The following GRM8 variants were observed in gnomAD, a reference collection of about 807,000 sequenced individuals.
The protein encoded by GRM8 is glutamate metabotropic receptor 8.
GRM8 carries 47 observed loss-of-function variants against 87.2 expected under a neutral mutation model. The ratio of observed to expected loss-of-function variants is 0.54; its 90% CI spans 0.43 to 0.69. GRM8 has a LOEUF of 0.69. Ranked by LOEUF, GRM8 falls within the 30% of genes least tolerant of loss-of-function variation. The pLI, the probability that GRM8 is intolerant of heterozygous loss-of-function variation, is 0.00. For missense variants in GRM8, 1,019 were observed against 1,139.2 expected, an observed-to-expected ratio of 0.89 and a Z score of 1.52; for synonymous variants, 396 against 404.5, an observed-to-expected ratio of 0.98 and a Z score of 0.25.
intron 7 of GRM8, among the ~76,000 whole-genome samples, chr7:126,750,690 T>C (rs1816318023): frequency 6.6e-6 from 1 of 152,248 alleles, no homozygotes; most frequent in South Asian, 2.1e-4. Flanking sequence ...TGCTCCTCAG[T>C]TCCTGTTTTC....
chr7:126,470,559 A>G (rs1805065733), intron 9 of GRM8, among the ~76,000 whole-genome samples: 2 of 152,132 alleles, frequency 1.3e-5, no homozygotes, highest in East Asian at 1.9e-4. Flanking sequence ...CATGGTGTAT[A>G]TATGCCACAT....
At chr7:127,151,287 T>C (rs1011197672) in intron 2 of GRM8, among the ~76,000 whole-genome samples, 5 of 152,064 alleles carry the variant, frequency 3.3e-5, no homozygotes, top group African/African-American at 1.2e-4. Flanking sequence ...CACACTTCAA[T>C]AAACTCAACC....
At chr7:126,544,372 C>T (rs1009782229) in intron 8 of GRM8, among the ~76,000 whole-genome samples, 2 of 152,042 alleles carry the variant, frequency 1.3e-5, no homozygotes, top group African/African-American at 4.8e-5. Context: ...CTTATCGTTT[C>T]CTAAATCTGT....
At chr7:126,696,441 T>C (rs1809381956) in intron 7 of GRM8, among the ~76,000 whole-genome samples, 1 of 152,202 alleles carries the variant, frequency 6.6e-6, no homozygotes, top group Non-Finnish European at 1.5e-5. Flanking sequence ...ATCCATCTGT[T>C]CTCATCGTTC....
chr7:126,770,708 G>A (rs1818748016), intron 6 of GRM8, among the ~76,000 whole-genome samples: 1 of 152,146 alleles, frequency 6.6e-6, no homozygotes, highest in Non-Finnish European at 1.5e-5. Flanking sequence ...ATTTAGGGCT[G>A]CTCATTGGCA....
intron 3 of GRM8, among the ~76,000 whole-genome samples, chr7:127,062,799 A>G (rs1820743650): frequency 6.6e-6 from 1 of 152,172 alleles, no homozygotes; most frequent in African/African-American, 2.4e-5. Flanking sequence ...TTGTGTGTGT[A>G]GAGGTGTTCA....
At chr7:127,066,858 T>C (rs951158688) in intron 3 of GRM8, among the ~76,000 whole-genome samples, 5 of 152,224 alleles carry the variant, frequency 3.3e-5, no homozygotes, top group South Asian at 4.1e-4. Flanking sequence ...GATGAATCAT[T>C]TAGCTTCCAC....
intron 6 of GRM8, among the ~76,000 whole-genome samples, chr7:126,796,590 A>G (rs981891778): frequency 5.3e-5 from 8 of 152,030 alleles, no homozygotes; most frequent in Non-Finnish European, 1.2e-4. Context: ...TTTAGTGTTT[A>G]CACACTAAAT....
chr7:126,512,896 A>C (rs1328710157), intron 9 of GRM8: 2 of 152,104 alleles, frequency 1.3e-5, no homozygotes, highest in Admixed American at 6.6e-5. Flanking sequence ...AAAAATTCAG[A>C]CACCAACAAA....
intron 2 of GRM8, among the ~76,000 whole-genome samples, chr7:127,214,557 C>G (rs1472812588): frequency 6.6e-6 from 1 of 152,170 alleles, no homozygotes; most frequent in Non-Finnish European, 1.5e-5. Context: ...AGGAAACTTA[C>G]AATCATGGCA....
intron 2 of GRM8, among the ~76,000 whole-genome samples, chr7:127,199,542 C>T (rs1170300184): frequency 6.6e-6 from 1 of 152,200 alleles, no homozygotes; most frequent in African/African-American, 2.4e-5. Context: ...GTTCCACTGG[C>T]TTGGATGCTG....
At chr7:127,242,004 G>A (rs558679395) in intron 2 of GRM8, among the ~76,000 whole-genome samples, 1 of 152,138 alleles carries the variant, frequency 6.6e-6, no homozygotes, top group East Asian at 1.9e-4. Context: ...TATTCAATAT[G>A]TAAATGCAAC....
intron 8 of GRM8, among the ~76,000 whole-genome samples, chr7:126,543,657 G>T (rs10281430): frequency 0.023 from 3,472 of 152,270 alleles, 114 homozygotes; most frequent in African/African-American, 0.078. Flanking sequence ...TGAGCCAAGT[G>T]TGCCTAGAGG....
intron 9 of GRM8, among the ~76,000 whole-genome samples, chr7:126,530,667 T>C (rs1814662372): frequency 1.3e-5 from 2 of 152,222 alleles, no homozygotes; most frequent in African/African-American, 4.8e-5. Context: ...CAAAAGAAAA[T>C]GGAGGACTGA....
chr7:126,741,870 G>A (rs1585741737), intron 7 of GRM8, among the ~76,000 whole-genome samples: 1 of 152,110 alleles, frequency 6.6e-6, no homozygotes, highest in Non-Finnish European at 1.5e-5. Flanking sequence ...TTCCTTGTCT[G>A]TAAAATGGGG....
intron 3 of GRM8, among the ~76,000 whole-genome samples, chr7:126,976,976 T>C (rs930451456): frequency 3.3e-5 from 5 of 151,990 alleles, no homozygotes; most frequent in South Asian, 4.1e-4. Context: ...CATAAGAAGA[T>C]AAAGACTGAT....
intron 3 of GRM8, among the ~76,000 whole-genome samples, chr7:127,061,855 A>C (rs565738628): frequency 6.6e-6 from 1 of 152,274 alleles, no homozygotes; most frequent in South Asian, 2.1e-4. Flanking sequence ...GATGTTCTTT[A>C]TTTTTCACAC....
Position 127,106,537 on chromosome 7 carries a change from T to A in GRM8, c.686A>T (p.Glu229Val), listed in dbSNP as rs769580062. ...CTGGGTGAAGGCCTCCACACCGCTC[T>A]CACCATAGTTCCCCTCAGAAGCCAG... ...STLASEGNYGESGVEAFTQIS... is the reference protein window; with the variant it reads ...STLASEGNYGVSGVEAFTQIS... Residue 229 changes from glutamate (E) to valine (V), a missense_variant, in exon 3 of 11, where the codon GAG (glutamate) becomes GTG (valine). Physicochemically the swap from Glu to Val is moderately radical, Grantham distance 121. Coordinates refer to ENST00000339582, the MANE Select transcript of GRM8 (RefSeq NM_000845.3). 6.2e-7 allele frequency: 1 copy of A among 1,614,106 alleles called. No homozygotes were observed. The highest frequency in any genetic ancestry group is 1.1e-5 in the South Asian group (1 of 91,082).
At chr7:126,545,716 T>A (rs1817075432) in intron 8 of GRM8, among the ~76,000 whole-genome samples, 1 of 152,210 alleles carries the variant, frequency 6.6e-6, no homozygotes, top group Non-Finnish European at 1.5e-5. Context: ...TAACTAAATC[T>A]AATTAAATTG....
Sources: gnomAD v4.1 joint callset for allele counts (sites outside exome capture counted in the v4.1 genomes callset) on GRCh38, gnomAD v4.1.1 for gene constraint, MANE v1.5 for transcripts, NCBI Gene and HGNC (gene_info 2026-07-23, HGNC 2026-07-21) for gene names.